Variants in ZEB1 observed in about 807,000 individuals in gnomAD.
ZEB1 encodes zinc finger E-box binding homeobox 1.
ZEB1 carries 21 observed loss-of-function variants against 84.9 expected under a neutral mutation model. The ratio of observed to expected loss-of-function variants is 0.25; its 90% CI spans 0.18 to 0.36. The LOEUF (loss-of-function observed/expected upper bound fraction) is 0.36, where lower values mean the gene tolerates loss of function less well. Ranked by LOEUF, ZEB1 falls within the 10% of genes least tolerant of loss-of-function variation. ZEB1 has a pLI of 1.00. For missense variants in ZEB1, 1,104 were observed against 1,330.2 expected (o/e 0.83, Z 2.65); for synonymous variants, 420 against 471.1 (o/e 0.89, Z 1.41).
chr10:31,423,333 T>C (rs958302651), intron 1 of ZEB1, among the ~76,000 whole-genome samples: 2 of 152,162 alleles, frequency 1.3e-5, no homozygotes, highest in Admixed American at 6.6e-5. Flanking sequence ...GTATGTCTTA[T>C]GGAAAACAGA....
rs534413989 is a variant in ZEB1, at chr10:31,526,166, C to T, written c.2786-506C>T. On this transcript the variant is annotated intron_variant, in intron 8 of 8. Transcript: ENST00000424869. Reference sequence around the variant, plus strand: ...CAATGGCTGTGGTTTTCTAAAGAAGCTCAGTATATATACTGTATATTTATG... The same window carrying T: ...CAATGGCTGTGGTTTTCTAAAGAAGTTCAGTATATATACTGTATATTTATG... 2.6e-5 allele frequency among the ~76,000 whole-genome samples: 4 copies of T among 152,252 alleles called. No individual in the cohort carries two copies. In the South Asian group the frequency reaches 8.3e-4, roughly 32 times the overall value.
chr10:31,402,825 C>T (rs1440602919), intron 1 of ZEB1, among the ~76,000 whole-genome samples: 3 of 152,060 alleles, frequency 2.0e-5, no homozygotes, highest in African/African-American at 7.2e-5. Context: ...TGCCATCTCA[C>T]TTTATCTTTT....
upstream of ZEB1, chr10:31,318,465 CTT>C (rs2032802855): frequency 6.6e-6 from 1 of 152,600 alleles, no homozygotes; most frequent in Non-Finnish European, 1.5e-5. Flanking sequence ...TCTAGCCTCT[CTT>C]TCAATCCAGC....
intron 1 of ZEB1, among the ~76,000 whole-genome samples, chr10:31,449,816 C>T (rs1228751715): frequency 6.6e-6 from 1 of 151,944 alleles, no homozygotes; most frequent in Non-Finnish European, 1.5e-5. Flanking sequence ...ATAATAATAC[C>T]AACAGTATGT....
chr10:31,499,888 TAAAA>T (rs1358267801), intron 3 of ZEB1, among the ~76,000 whole-genome samples: 1 of 152,096 alleles, frequency 6.6e-6, no homozygotes, highest in African/African-American at 2.4e-5. Context: ...ATTTGTATGT[TAAAA>T]AAATCTTTAT....
chr10:31,493,058 G>A (rs2066760085), intron 2 of ZEB1, among the ~76,000 whole-genome samples: 1 of 151,878 alleles, frequency 6.6e-6, no homozygotes, highest in African/African-American at 2.4e-5. Context: ...ATACAGTCAA[G>A]ATACAGAGCA....
intron 2 of ZEB1, among the ~76,000 whole-genome samples, chr10:31,484,653 G>T (rs985680013): frequency 1.3e-5 from 2 of 151,872 alleles, no homozygotes; most frequent in African/African-American, 2.4e-5. Context: ...GGGTCAAAAT[G>T]TTTAGCAAGC....
At chr10:31,483,427 T>A (rs1171498870) in intron 2 of ZEB1, among the ~76,000 whole-genome samples, 1 of 151,984 alleles carries the variant, frequency 6.6e-6, no homozygotes, top group Non-Finnish European at 1.5e-5. Context: ...ATTCTTTTTT[T>A]CTTATAGGTC....
At chr10:31,377,087 C>CTT (rs1193120000) in intron 1 of ZEB1, among the ~76,000 whole-genome samples, 44 of 107,182 alleles carry the variant, frequency 4.1e-4, no homozygotes, top group African/African-American at 6.7e-4. Context: ...AACCTAGTGT[C>CTT]TTTTTTTTTT....
chr10:31,361,160 T>C, intron 1 of ZEB1: 1 of 1,611,986 alleles, frequency 6.2e-7, no homozygotes, highest in Non-Finnish European at 8.5e-7. Flanking sequence ...CCAGAACCTC[T>C]TGTTCCTCCT....
intron 2 of ZEB1, among the ~76,000 whole-genome samples, chr10:31,483,942 C>T (rs2065396275): frequency 1.3e-5 from 2 of 151,988 alleles, no homozygotes; most frequent in South Asian, 4.1e-4. Context: ...TCATTTTCTT[C>T]CTCAGATGGT....
chr10:31,360,383 A>G (rs752542551), intron 1 of ZEB1, among the ~76,000 whole-genome samples: 41 of 152,260 alleles, frequency 2.7e-4, no homozygotes, highest in Non-Finnish European at 5.6e-4. Context: ...AGGATTAAAT[A>G]TAATGGATAT....
intron 1 of ZEB1, among the ~76,000 whole-genome samples, chr10:31,450,453 T>TA (rs2137023237): frequency 6.6e-6 from 1 of 152,136 alleles, no homozygotes; most frequent in East Asian, 1.9e-4. Flanking sequence ...ATTTACCAAA[T>TA]GTCCTTACTG....
intron 1 of ZEB1, among the ~76,000 whole-genome samples, chr10:31,366,104 C>T (rs985311212): frequency 6.6e-6 from 1 of 152,152 alleles, no homozygotes; most frequent in Non-Finnish European, 1.5e-5. Flanking sequence ...GCTCAAACTG[C>T]TCTCTACCTT....
At chr10:31,472,253 A>G (rs2063372064) in intron 2 of ZEB1, among the ~76,000 whole-genome samples, 2 of 152,168 alleles carry the variant, frequency 1.3e-5, no homozygotes, top group Admixed American at 1.3e-4. Context: ...AAACCCTTCA[A>G]AAAATTAATT....
At chr10:31,476,087 A>G (rs1033262412) in intron 2 of ZEB1, among the ~76,000 whole-genome samples, 1 of 152,096 alleles carries the variant, frequency 6.6e-6, no homozygotes, top group African/African-American at 2.4e-5. Flanking sequence ...TAAAGGGACT[A>G]GCAGAAGAAG....
At chr10:31,328,022 G>C (rs2133170182) in intron 1 of ZEB1, among the ~76,000 whole-genome samples, 1 of 152,116 alleles carries the variant, frequency 6.6e-6, no homozygotes, top group South Asian at 2.1e-4. Context: ...GTGTATTTAA[G>C]ATGATAATCC....
intron 6 of ZEB1, among the ~76,000 whole-genome samples, chr10:31,518,563 A>AT (rs1565193529): frequency 6.6e-6 from 1 of 152,158 alleles, no homozygotes; most frequent in Non-Finnish European, 1.5e-5. Flanking sequence ...GAGTTTTGCT[A>AT]TATAATCTCA....
chr10:31,464,082 T>G (rs983975354), intron 2 of ZEB1, among the ~76,000 whole-genome samples: 1 of 152,092 alleles, frequency 6.6e-6, no homozygotes, highest in African/African-American at 2.4e-5. Context: ...AATAAAAAAT[T>G]GAATAGTAGG....
Sources: gnomAD v4.1 joint callset for allele counts (sites outside exome capture counted in the v4.1 genomes callset) on GRCh38, gnomAD v4.1.1 for gene constraint, MANE v1.5 for transcripts, NCBI Gene and HGNC (gene_info 2026-07-23, HGNC 2026-07-21) for gene names.